EDC4: variants seen among roughly 807,000 people sequenced by gnomAD.
The protein encoded by EDC4 is enhancer of mRNA decapping 4, also known as enhancer of mRNA-decapping protein 4.
EDC4 carries 64 observed loss-of-function variants against 155.8 expected under a neutral mutation model. That is an observed-to-expected ratio of 0.41 (90% CI 0.34 to 0.51). The LOEUF (loss-of-function observed/expected upper bound fraction) is 0.51, where lower values mean the gene tolerates loss of function less well. Ranked by LOEUF, EDC4 falls within the 20% of genes least tolerant of loss-of-function variation. The probability of loss-of-function intolerance (pLI) is 0.19; values close to 1 mark genes in which losing one functional copy is unlikely to be tolerated. For synonymous variants in EDC4, 684 were observed against 716.8 expected, an observed-to-expected ratio of 0.95 and a Z score of 0.73; for missense variants, 1,303 against 1,812.5, an observed-to-expected ratio of 0.72 and a Z score of 5.10.
rs777309606 is a variant in EDC4 at position 67,879,743 on chromosome 16, C to T, written c.1790C>T (p.Ala597Val). ...ETKPKLMTPDAFMTPSASLQQ... is the reference protein window; with the variant it reads ...ETKPKLMTPDVFMTPSASLQQ... ...AAGCCCAAGTTGATGACACCTGACG[C>T]CTTCATGACACCTAGCGCCTCCTTG... is the stretch of plus-strand genomic sequence containing the variant. The change falls in exon 15 of 29, where the codon GCC becomes GTC. Residue 597 changes from alanine (A) to valine (V), a missense_variant. Ala to Val is a moderately conservative substitution (Grantham distance 64). Transcript: ENST00000358933. The surrounding 1 kb of genome is among the most constrained non-coding windows in gnomAD (Gnocchi z 6.0). The T allele has an allele frequency of 1.9e-5, 31 of 1,614,050 alleles. No individual in the cohort carries two copies. Among genetic ancestry groups the T allele is most frequent in the Non-Finnish European group, 2.6e-5 (31 of 1,180,030 alleles).
At position 67,880,402 on chromosome 16, in the gene EDC4, C is replaced by T. The variant is rs1443278228; in HGVS notation, c.2098-155C>T. On this transcript the variant is annotated intron_variant, in intron 17 of 28. Transcript: ENST00000358933. This position sits in a 1 kb window ranked among gnomAD's most constrained non-coding sequence, Gnocchi z 5.2. ...TGTCTCCTCAGCCTCCCTGTCCCCA[C>T]CTCCTCTTCTTGGCTGTGGCCTCGT... 5 of 1,342,956 alleles carry T rather than the reference C, an allele frequency of 3.7e-6. No individual in the cohort carries two copies. Among genetic ancestry groups the T allele is most frequent in the Non-Finnish European group, 5.1e-6 (5 of 984,858 alleles). The allele number at this position is 1,342,956 out of a possible 1,614,324, so 83.2% of individuals were successfully genotyped here. A position where few individuals can be genotyped will look rare whatever the true frequency, so the allele number is the denominator to read the frequency against.
At position 67,881,450 on chromosome 16, in the gene EDC4, T is replaced by G. The variant is rs565678807; in HGVS notation, c.2789+33T>G. 6.2e-7 allele frequency: 1 copy of G among 1,613,932 alleles called. No individual in the cohort carries two copies. The highest frequency in any genetic ancestry group is 1.3e-5 in the African/African-American group (1 of 74,972). On this transcript the variant is annotated intron_variant, in intron 20 of 28. Transcript: ENST00000358933. The surrounding 1 kb of genome is among the most constrained non-coding windows in gnomAD (Gnocchi z 5.4). ...GAAATCCTAGGGAGGGAGAGGGTGGTCTCTAGGCTGCCTCACATAGCCTGA... is the reference window on the plus strand; with the variant it reads ...GAAATCCTAGGGAGGGAGAGGGTGGGCTCTAGGCTGCCTCACATAGCCTGA...
In EDC4 at chr16:67,876,413, C is replaced by T. The variant is rs1008232002; in HGVS notation, c.240-75C>T. 3 of 1,567,038 alleles carry T rather than the reference C, an allele frequency of 1.9e-6. No homozygotes were observed. The highest frequency in any genetic ancestry group is 2.6e-6 in the Non-Finnish European group (3 of 1,154,328). On this transcript the variant is annotated intron_variant, in intron 2 of 28. Transcript: ENST00000358933. The surrounding 1 kb of genome is among the most constrained non-coding windows in gnomAD (Gnocchi z 5.8). Reference sequence around the variant, plus strand: ...GATACCTTCCCCAGTCTGGCTATGTCCTCGCTTCCTCCCAACCCTGCCCGC... The same window carrying T: ...GATACCTTCCCCAGTCTGGCTATGTTCTCGCTTCCTCCCAACCCTGCCCGC...
At position 67,880,186 on chromosome 16, in the gene EDC4, T is replaced by C. The variant is rs2058060344; in HGVS notation, c.2067T>C (p.Ala689=). The C allele has an allele frequency of 8.7e-6, 14 of 1,610,588 alleles. No individual in the cohort carries two copies. Among genetic ancestry groups the C allele is most frequent in the Non-Finnish European group, 1.2e-5 (14 of 1,178,858 alleles). ...GLLPGLLPAP[A]DKLTPKGPGQ... is the part of the protein sequence containing the mutation. ...TGCCTGGCCTGCTCCCAGCCCCAGC[T>C]GACAAACTGACTCCCAAGGGGCCGG... Residue 689 remains alanine (A), a synonymous_variant, in exon 17 of 29, where the codon GCT becomes GCC. Coordinates refer to ENST00000358933, the MANE Select transcript of EDC4 (RefSeq NM_014329.5). This position sits in a 1 kb window ranked among gnomAD's most constrained non-coding sequence, Gnocchi z 5.2.
rs749518037 is a variant in EDC4 at position 67,878,123 on chromosome 16, T to C, written c.895-43T>C. On this transcript the variant is annotated intron_variant, in intron 7 of 28. Coordinates refer to ENST00000358933, the MANE Select transcript of EDC4 (RefSeq NM_014329.5). This position sits in a 1 kb window ranked among gnomAD's most constrained non-coding sequence, Gnocchi z 5.2. ...TTGCCATCCTCACTTGGGAGGGGCTTGTTCTCACCTCTAGTCAGCAAAGCT... is the reference window on the plus strand; with the variant it reads ...TTGCCATCCTCACTTGGGAGGGGCTCGTTCTCACCTCTAGTCAGCAAAGCT... 14 of 1,612,822 alleles carry C rather than the reference T, an allele frequency of 8.7e-6. No individual in the cohort carries two copies. In the South Asian group the frequency reaches 1.2e-4, roughly 14 times the overall value.
chr16:67,883,773 T>A lies in EDC4; in HGVS notation c.4013+42T>A. ...AGGGATGGGGAGATGAGCTGGGGAG[T>A]GGGGCAGTGGGAGGGAGCAGTTTGA... On this transcript the variant is annotated intron_variant, in intron 28 of 28. Transcript: ENST00000358933. The surrounding 1 kb of genome is among the most constrained non-coding windows in gnomAD (Gnocchi z 5.3). The A allele has an allele frequency of 6.2e-7, 1 of 1,603,782 alleles. No homozygotes were observed. Among genetic ancestry groups the A allele is most frequent in the Non-Finnish European group, 8.5e-7 (1 of 1,172,740 alleles).
In EDC4 at chr16:67,880,814, A is replaced by G. The variant is rs781009315; in HGVS notation, c.2355A>G (p.Pro785=). ...ACCTGCTGTCCCCACGGCCCCGGCCAGGGCCCGAGCTCGGCCCCCAGCTCG... is the reference window on the plus strand; with the variant it reads ...ACCTGCTGTCCCCACGGCCCCGGCCGGGGCCCGAGCTCGGCCCCCAGCTCG... ...ALHLLSPRPR[P]GPELGPQLGL... is the part of the protein sequence containing the mutation. The change falls in exon 18 of 29, where the codon CCA becomes CCG. Residue 785 remains proline (P), a synonymous_variant. Coordinates refer to ENST00000358933, the MANE Select transcript of EDC4 (RefSeq NM_014329.5). This position sits in a 1 kb window ranked among gnomAD's most constrained non-coding sequence, Gnocchi z 5.2. The G allele has an allele frequency of 2.2e-5, 36 of 1,613,770 alleles. No homozygotes were observed. The highest frequency in any genetic ancestry group is 3.4e-6 in the Non-Finnish European group (4 of 1,179,978).
chr16:67,881,832 G>C lies in EDC4; in HGVS notation c.2991G>C (p.Arg997=). 1 of 1,613,548 alleles carries C rather than the reference G, an allele frequency of 6.2e-7. No homozygotes were observed. The highest frequency in any genetic ancestry group is 8.5e-7 in the Non-Finnish European group (1 of 1,179,530). The stretch of plus-strand genomic sequence containing the variant: ...ACGTAGAACGTGCCCTTGAGACTCG[G>C]CACGAGCAGGAACGTATCCTTGAGA... ...TGHVERALET[R]HEQEQRRLER... The change falls in exon 22 of 29, where the codon CGG becomes CGC. Residue 997 remains arginine (R), a synonymous_variant. Coordinates refer to ENST00000358933, the MANE Select transcript of EDC4 (RefSeq NM_014329.5). This position sits in a 1 kb window ranked among gnomAD's most constrained non-coding sequence, Gnocchi z 5.4.
In EDC4 at chr16:67,873,116, G is replaced by C; in HGVS notation, c.-146G>C. The C allele has an allele frequency of 1.8e-6, 1 of 550,004 alleles. No individual in the cohort carries two copies. The highest frequency in any genetic ancestry group is 3.9e-5 in the South Asian group (1 of 25,466). 34.1% of individuals were successfully genotyped at this position (550,004 alleles called of 1,614,324 possible). A position where few individuals can be genotyped will look rare whatever the true frequency, so the allele number is the denominator to read the frequency against. ...GGGGTTGGCGGGGCTCAGCGACGCT[G>C]CGCGGGTGGCGGTTTGCGAACTGCG... On this transcript the variant is annotated 5_prime_UTR_variant, in exon 1 of 29. Transcript: ENST00000358933.
At position 67,881,467 on chromosome 16, in the gene EDC4, A is replaced by G. The variant is rs760087079; in HGVS notation, c.2790-30A>G. 25 of 1,614,202 alleles carry G rather than the reference A, an allele frequency of 1.5e-5. No individual in the cohort carries two copies. In the African/African-American group the frequency reaches 3.2e-4, roughly 21 times the overall value. ...GAGGGTGGTCTCTAGGCTGCCTCAC[A>G]TAGCCTGAGGTGCTTCTCGCCTATG... On this transcript the variant is annotated intron_variant, in intron 20 of 28. Transcript: ENST00000358933. This position sits in a 1 kb window ranked among gnomAD's most constrained non-coding sequence, Gnocchi z 5.4.
chr16:67,883,464 A>C lies in EDC4; in HGVS notation c.3850-104A>C, dbSNP rs75152752. 16,747 of 1,531,516 alleles carry C rather than the reference A, an allele frequency of 0.011. 640 individuals are homozygous for C. In the African/African-American group the frequency reaches 0.13, roughly 12 times the overall value. 94.9% of individuals were successfully genotyped at this position (1,531,516 alleles called of 1,614,324 possible). A position where few individuals can be genotyped will look rare whatever the true frequency, so the allele number is the denominator to read the frequency against. On this transcript the variant is annotated intron_variant, in intron 27 of 28. Coordinates refer to ENST00000358933, the MANE Select transcript of EDC4 (RefSeq NM_014329.5). The surrounding 1 kb of genome is among the most constrained non-coding windows in gnomAD (Gnocchi z 5.3). ...CTCTCTGAGTCCCTCTGGAGCTCTC[A>C]CTAGCCCACCCTGTGGTCATCCTCC...
At position 67,876,831 on chromosome 16, in the gene EDC4, C is replaced by G; in HGVS notation, c.352-42C>G. The G allele has an allele frequency of 6.2e-7, 1 of 1,607,302 alleles. No individual in the cohort carries two copies. Among genetic ancestry groups the G allele is most frequent in the Non-Finnish European group, 8.5e-7 (1 of 1,176,388 alleles). On this transcript the variant is annotated intron_variant, in intron 3 of 28. Transcript: ENST00000358933. The surrounding 1 kb of genome is among the most constrained non-coding windows in gnomAD (Gnocchi z 5.8). ...CCAGGGATGTTGGGGGCCACCTAGG[C>G]TCTGGGGAAGTTCCATGACTTTTCT...
In EDC4 at chr16:67,873,257, G is replaced by C; in HGVS notation, c.-5G>C. ...GGTGCGGGCGGGGCGCCCGCCGCAG[G>C]GCCCATGGCCTCCTGCGCGAGCATC... On this transcript the variant is annotated 5_prime_UTR_variant, in exon 1 of 29. Coordinates refer to ENST00000358933, the MANE Select transcript of EDC4 (RefSeq NM_014329.5). The C allele has an allele frequency of 7.0e-7, 1 of 1,418,900 alleles. No homozygotes were observed. Among genetic ancestry groups the C allele is most frequent in the Non-Finnish European group, 9.2e-7 (1 of 1,090,926 alleles). The allele number at this position is 1,418,900 out of a possible 1,614,324, so 87.9% of individuals were successfully genotyped here. A position where few individuals can be genotyped will look rare whatever the true frequency, so the allele number is the denominator to read the frequency against.
Position 67,882,619 on chromosome 16 carries a change from GT to G in EDC4, c.3442+26del, listed in dbSNP as rs763137771. The G allele has an allele frequency of 1.2e-4, 197 of 1,614,132 alleles. 1 individual carries two copies. Among genetic ancestry groups the G allele is most frequent in the Non-Finnish European group, 1.6e-4 (183 of 1,180,060 alleles). ...TGTGAGTGGGGTCATATGGCCCAAG[GT>G]GGGAGGGGTTATCCTCTTTCCTACT... On this transcript the variant is annotated intron_variant, in intron 25 of 28. Coordinates refer to ENST00000358933, the MANE Select transcript of EDC4 (RefSeq NM_014329.5). The surrounding 1 kb of genome is among the most constrained non-coding windows in gnomAD (Gnocchi z 7.2).
rs767777597 is a variant in EDC4 at position 67,881,762 on chromosome 16, G to A, written c.2921G>A (p.Arg974His). 20 of 1,613,998 alleles carry A rather than the reference G, an allele frequency of 1.2e-5. No homozygotes were observed. Among genetic ancestry groups the A allele is most frequent in the Middle Eastern group, 3.3e-4 (2 of 6,084 alleles). ...LRHSQEELLQ[R>H]LCTQLEGLQS... ...CACAGCCAGGAAGAGCTGCTGCAGC[G>A]TCTGTGTACCCAACTCGAAGGCCTG... The change falls in exon 22 of 29, where the codon CGT becomes CAT. Residue 974 changes from arginine to histidine, a missense_variant. By Grantham distance (29) the Arg-to-His change is conservative. Coordinates refer to ENST00000358933, the MANE Select transcript of EDC4 (RefSeq NM_014329.5). The surrounding 1 kb of genome is among the most constrained non-coding windows in gnomAD (Gnocchi z 5.4).
Position 67,875,968 on chromosome 16 carries a change from C to T in EDC4, c.106C>T (p.Pro36Ser), listed in dbSNP as rs373543006. 5.6e-6 allele frequency: 9 copies of T among 1,613,962 alleles called. No homozygotes were observed. The highest frequency in any genetic ancestry group is 2.2e-5 in the East Asian group (1 of 44,892). Reference sequence around the variant, plus strand: ...AGGCCCCAGTGCAGAGAGCCCACGGCCATCCAGTGCCTACAATGGGGACCT... The same window carrying T: ...AGGCCCCAGTGCAGAGAGCCCACGGTCATCCAGTGCCTACAATGGGGACCT... ...AGGPSAESPR[P>S]SSAYNGDLNG... Residue 36 changes from proline to serine, a missense_variant, in exon 2 of 29, where the codon CCA becomes TCA. By Grantham distance (74) the Pro-to-Ser change is moderately conservative. This residue lies in a region of EDC4 where 99 missense variants were observed against 121.3 expected (regional missense o/e 0.82). Coordinates refer to ENST00000358933, the MANE Select transcript of EDC4 (RefSeq NM_014329.5).
Position 67,873,256 on chromosome 16 carries a change from G to T in EDC4, c.-6G>T. 1 of 1,416,800 alleles carries T rather than the reference G, an allele frequency of 7.1e-7. No homozygotes were observed. The allele number at this position is 1,416,800 out of a possible 1,614,324, so 87.8% of individuals were successfully genotyped here. A position where few individuals can be genotyped will look rare whatever the true frequency, so the allele number is the denominator to read the frequency against. On this transcript the variant is annotated 5_prime_UTR_variant, in exon 1 of 29. In the 5' UTR this introduces an upstream ATG that the reference lacks. Coordinates refer to ENST00000358933, the MANE Select transcript of EDC4 (RefSeq NM_014329.5). ...CGGTGCGGGCGGGGCGCCCGCCGCA[G>T]GGCCCATGGCCTCCTGCGCGAGCAT... is the stretch of plus-strand genomic sequence containing the variant.
chr16:67,875,649 A>T, intron 1 of EDC4: 1 of 1,009,564 alleles, frequency 9.9e-7, no homozygotes, highest in African/African-American at 1.7e-5. Context: ...CTATGCCCTC[A>T]CTCAGTCCAC....
chr16:67,876,408 T>C lies in EDC4; in HGVS notation c.240-80T>C. 1 of 1,557,416 alleles carries C rather than the reference T, an allele frequency of 6.4e-7. No homozygotes were observed. Among genetic ancestry groups the C allele is most frequent in the Non-Finnish European group, 8.7e-7 (1 of 1,148,938 alleles). On this transcript the variant is annotated intron_variant, in intron 2 of 28. Coordinates refer to ENST00000358933, the MANE Select transcript of EDC4 (RefSeq NM_014329.5). This position sits in a 1 kb window ranked among gnomAD's most constrained non-coding sequence, Gnocchi z 5.8. ...GACTAGATACCTTCCCCAGTCTGGC[T>C]ATGTCCTCGCTTCCTCCCAACCCTG...
Sources: allele counts gnomAD v4.1 joint callset, GRCh38; gene constraint gnomAD v4.1.1; regional missense constraint gnomAD v4.1.1; non-coding constraint Gnocchi (gnomAD v3.1); transcripts MANE v1.5; gene names NCBI Gene and HGNC (gene_info 2026-07-23, HGNC 2026-07-21).